The following TTC8 variants were observed in gnomAD, a reference collection of about 807,000 sequenced individuals.
The protein encoded by TTC8 is tetratricopeptide repeat protein 8.
TTC8 carries 47 observed loss-of-function variants against 72.5 expected under a neutral mutation model. The observed-to-expected ratio is 0.65, with a 90% CI of 0.51 to 0.83. TTC8 has a LOEUF of 0.83. TTC8 is among the 40% of genes least tolerant of loss of function. TTC8 has a pLI of 0.00. For missense variants in TTC8, 611 were observed against 623.2 expected, an observed-to-expected ratio of 0.98 and a Z score of 0.21; for synonymous variants, 199 against 221.4, an observed-to-expected ratio of 0.90 and a Z score of 0.90.
intron 10 of TTC8, among the ~76,000 whole-genome samples, chr14:88,867,723 TTC>T (rs1475070139): frequency 2.0e-5 from 3 of 152,200 alleles, no homozygotes; most frequent in Admixed American, 1.3e-4. Flanking sequence ...ATAAATTAAT[TTC>T]TGTGTCCATT....
chr14:88,877,405 C>T lies in TTC8; in HGVS notation c.1543C>T (p.Leu515Phe), dbSNP rs1875687061. 1.2e-6 allele frequency: 2 copies of T among 1,612,264 alleles called. No homozygotes were observed. The highest frequency in any genetic ancestry group is 8.5e-7 in the Non-Finnish European group (1 of 1,178,470). The change falls in exon 15 of 15, where the codon CTC (leucine) becomes TTC (phenylalanine). Residue 515 changes from leucine (L) to phenylalanine (F), a missense_variant. By Grantham distance (22) the Leu-to-Phe change is conservative. Coordinates refer to ENST00000380656, the MANE Select transcript of TTC8 (RefSeq NM_144596.4). The part of the protein sequence containing the change: ...IKQLRQHFAM[L>F] Reference sequence around the variant, plus strand: ...ACAATTAAGGCAGCATTTTGCTATGCTCTGATTGTTCCTTAGACCACATAT... The same window carrying T: ...ACAATTAAGGCAGCATTTTGCTATGTTCTGATTGTTCCTTAGACCACATAT...
chr14:88,865,737 T>C (rs968829555), intron 10 of TTC8, among the ~76,000 whole-genome samples: 7 of 152,110 alleles, frequency 4.6e-5, no homozygotes, highest in Admixed American at 3.9e-4. Context: ...ATTTTGTGAA[T>C]TGGATCAAAA....
At chr14:88,859,877 T>TTATATTATATA (rs1197709962) in intron 9 of TTC8, among the ~76,000 whole-genome samples, 1 of 76,780 alleles carries the variant, frequency 1.3e-5, no homozygotes, top group African/African-American at 5.9e-5. Flanking sequence ...ATAAATATAT[T>TTATATTATATA]ATATATTATA....
rs576206715 is a variant in TTC8 at position 88,848,915 on chromosome 14, A to G, written c.625-4056A>G. Among the ~76,000 whole-genome samples the G allele has an allele frequency of 2.0e-5, 3 of 152,282 alleles. No individual in the cohort carries two copies. In the South Asian group the frequency reaches 6.2e-4, roughly 32 times the overall value. The stretch of plus-strand genomic sequence containing the variant: ...TAAAATTTTTCAACAATAATGTTAT[A>G]GTAAAATGAATTATAAATTAGGGGC... On this transcript the variant is annotated intron_variant, in intron 7 of 14. Coordinates refer to ENST00000380656, the MANE Select transcript of TTC8 (RefSeq NM_144596.4).
chr14:88,836,041 A>T (rs1595934601), intron 2 of TTC8, among the ~76,000 whole-genome samples: 2 of 152,216 alleles, frequency 1.3e-5, no homozygotes, highest in Admixed American at 1.3e-4. Flanking sequence ...CACTGATAAA[A>T]TTTAAAATTG....
chr14:88,831,875 C>G (rs1200280638), intron 1 of TTC8, among the ~76,000 whole-genome samples: 2 of 152,170 alleles, frequency 1.3e-5, no homozygotes, highest in Non-Finnish European at 2.9e-5. Context: ...CTCTTATCTT[C>G]CATGTCTTCT....
chr14:88,870,036 T>C lies in TTC8; in HGVS notation c.910-23T>C, dbSNP rs772475248. 105 of 1,612,852 alleles carry C rather than the reference T, an allele frequency of 6.5e-5. 1 individual carries two copies. In the South Asian group the frequency reaches 1.1e-3, roughly 17 times the overall value. On this transcript the variant is annotated intron_variant, in intron 10 of 14. Coordinates refer to ENST00000380656, the MANE Select transcript of TTC8 (RefSeq NM_144596.4). The stretch of plus-strand genomic sequence containing the variant: ...TTGTCCAATATTAATAAAATATTGC[T>C]CTTCTCTCTTGATGGAGAATAGGAA...
chr14:88,865,399 T>A (rs1457158602), intron 10 of TTC8, among the ~76,000 whole-genome samples: 1 of 152,212 alleles, frequency 6.6e-6, no homozygotes, highest in African/African-American at 2.4e-5. Flanking sequence ...TCTGCAGTTG[T>A]TTAATTTTAT....
chr14:88,832,697 T>A (rs1435308704), intron 1 of TTC8, among the ~76,000 whole-genome samples: 1 of 152,208 alleles, frequency 6.6e-6, no homozygotes, highest in African/African-American at 2.4e-5. Flanking sequence ...AAAGAAAGAA[T>A]AGAATGTGTT....
chr14:88,853,490 C>G (rs1216893857), intron 8 of TTC8, among the ~76,000 whole-genome samples: 1 of 152,168 alleles, frequency 6.6e-6, no homozygotes, highest in African/African-American at 2.4e-5. Flanking sequence ...CTACATTATA[C>G]CATTTCACTT....
chr14:88,841,009 G>A, intron 4 of TTC8, 28 bp from the exon 5 acceptor site: 1 of 1,613,860 alleles, frequency 6.2e-7, no homozygotes, highest in Non-Finnish European at 8.5e-7. Flanking sequence ...GATCTTCTTT[G>A]TATTATAACA....
chr14:88,876,621 T>C (rs2094958427), intron 14 of TTC8, among the ~76,000 whole-genome samples: 2 of 152,128 alleles, frequency 1.3e-5, no homozygotes, highest in African/African-American at 4.8e-5. Context: ...ACCTCATAAA[T>C]ATATTATTAT....
chr14:88,866,372 G>A (rs2141025807), intron 10 of TTC8, among the ~76,000 whole-genome samples: 1 of 139,020 alleles, frequency 7.2e-6, no homozygotes, highest in East Asian at 2.1e-4. Flanking sequence ...TGCTGAAAAT[G>A]GGAGATTTAA....
chr14:88,845,585 T>C (rs1374171478), intron 7 of TTC8, among the ~76,000 whole-genome samples: 1 of 152,150 alleles, frequency 6.6e-6, no homozygotes, highest in East Asian at 1.9e-4. Context: ...CATTTTAACT[T>C]CATAAAAAGC....
intron 1 of TTC8, among the ~76,000 whole-genome samples, chr14:88,825,186 T>TA (rs1029949024): frequency 6.6e-5 from 10 of 152,228 alleles, no homozygotes; most frequent in Admixed American, 5.9e-4. Flanking sequence ...TGTTAATTTC[T>TA]AAAAAATATG....
chr14:88,853,055 A>G lies in TTC8; in HGVS notation c.709A>G (p.Arg237Gly). Residue 237 changes from arginine to glycine, a missense_variant and splice_region_variant, in exon 8 of 15, where the codon AGG (arginine) becomes GGG (glycine). Transcript: ENST00000380656. ...AGTACAGATTGGAAAATGTTACTAC[A>G]GGTAAATTTCATTATTTGTGAAGGG... ...WKVQIGKCYY[R>G]LGMYREAEKQ... 1 of 1,611,230 alleles carries G rather than the reference A, an allele frequency of 6.2e-7. No homozygotes were observed. The highest frequency in any genetic ancestry group is 8.5e-7 in the Non-Finnish European group (1 of 1,177,672).
Position 88,824,735 on chromosome 14 carries a change from C to T in TTC8, c.28C>T (p.Leu10=). The T allele has an allele frequency of 6.2e-7, 1 of 1,611,492 alleles. No individual in the cohort carries two copies. Among genetic ancestry groups the T allele is most frequent in the East Asian group, 2.2e-5 (1 of 44,790 alleles). The change falls in exon 1 of 15, where the codon CTG becomes TTG. Residue 10 remains leucine, a synonymous_variant. Coordinates refer to ENST00000380656, the MANE Select transcript of TTC8 (RefSeq NM_144596.4). The part of the protein sequence containing the change: MSSEMEPLL[L]AWSYFRRRKF... Reference sequence around the variant, plus strand: ...GAGCTCGGAGATGGAGCCGCTGCTCCTGGCCTGGAGCTATTTTAGGCGCAG... The same window carrying T: ...GAGCTCGGAGATGGAGCCGCTGCTCTTGGCCTGGAGCTATTTTAGGCGCAG...
chr14:88,858,142 A>G (rs560093488), intron 9 of TTC8, among the ~76,000 whole-genome samples: 1 of 151,912 alleles, frequency 6.6e-6, no homozygotes, highest in East Asian at 1.9e-4. Flanking sequence ...TTGTATTTTT[A>G]GTAGAAATGG....
intron 10 of TTC8, among the ~76,000 whole-genome samples, chr14:88,865,555 C>G (rs1302400797): frequency 6.6e-6 from 1 of 152,142 alleles, no homozygotes; most frequent in Non-Finnish European, 1.5e-5. Context: ...GTAATCCTAG[C>G]TACTCAGGAG....
Sources: allele counts gnomAD v4.1 joint callset (sites outside exome capture counted in the v4.1 genomes callset), GRCh38; gene constraint gnomAD v4.1.1; transcripts MANE v1.5; gene names NCBI Gene and HGNC (gene_info 2026-07-23, HGNC 2026-07-21).